The following PCNX2 variants were observed in gnomAD, a reference collection of about 807,000 sequenced individuals.
PCNX2 encodes pecanex 2, also known as pecanex-like protein 2.
Under a neutral mutation model 223.8 loss-of-function variants are expected in PCNX2, and 168 were observed. The ratio of observed to expected loss-of-function variants is 0.75; its 90% CI spans 0.66 to 0.85. The LOEUF (loss-of-function observed/expected upper bound fraction) is 0.85. Ranked by LOEUF, PCNX2 falls within the 40% of genes least tolerant of loss-of-function variation. PCNX2 has a pLI of 0.00. For synonymous variants in PCNX2, 1,006 were observed against 1,052.6 expected (o/e 0.96, Z 0.86); for missense variants, 2,507 against 2,675.5 (o/e 0.94, Z 1.39).
intron 30 of PCNX2, among the ~76,000 whole-genome samples, chr1:232,999,902 T>C (rs1670020437): frequency 1.3e-5 from 2 of 152,294 alleles, no homozygotes; most frequent in South Asian, 4.1e-4. Context: ...ACTTAGTGAT[T>C]TGAAGCTATA....
At chr1:233,295,932 TTCTTC>T (rs1406337646), upstream of PCNX2, among the ~76,000 whole-genome samples, 50 of 144,558 alleles carry the variant, frequency 3.5e-4, no homozygotes, top group Non-Finnish European at 6.1e-4. This position sits in a 1 kb window ranked among gnomAD's most constrained non-coding sequence, Gnocchi z 4.1. Flanking sequence ...CTCTCTCTCT[TTCTTC>T]CTTCCTTCCT....
intron 24 of PCNX2, among the ~76,000 whole-genome samples, 163 bp downstream of exon 24, chr1:233,057,069 T>C (rs947177400): frequency 1.3e-5 from 2 of 152,062 alleles, no homozygotes; most frequent in African/African-American, 4.8e-5. Flanking sequence ...CCAAATCAGG[T>C]TGCTTGATCA....
chr1:233,322,379 G>A, the PCNX2 span, among the ~76,000 whole-genome samples: 3 of 152,128 alleles, frequency 2.0e-5, no homozygotes, highest in African/African-American at 7.2e-5. Flanking sequence ...GCCAGATTTG[G>A]GGGGTTAAAA....
At position 233,179,120 on chromosome 1, in the gene PCNX2, A is replaced by C. The variant is rs376346875; in HGVS notation, c.3122T>G (p.Leu1041Trp). Residue 1041 changes from leucine to tryptophan, a missense_variant, in exon 16 of 34, where the codon TTG becomes TGG. This residue lies in a region of PCNX2 where 1,372 missense variants were observed against 1,509.4 expected (regional missense o/e 0.91). Coordinates refer to ENST00000258229, the MANE Select transcript of PCNX2 (RefSeq NM_014801.4). ...PALFSAFCGL[L>W]VALSYHLSRQ... The stretch of plus-strand genomic sequence containing the variant: ...GCTCAGATGGTAAGAAAGGGCGACC[A>C]AGAGGCCACAGAAGGCCGAAAACAG... 1.2e-6 allele frequency: 2 copies of C among 1,613,858 alleles called. No homozygotes were observed. Among genetic ancestry groups the C allele is most frequent in the African/African-American group, 2.7e-5 (2 of 74,950 alleles).
chr1:233,074,999 G>A (rs1348244590), intron 23 of PCNX2, among the ~76,000 whole-genome samples: 1 of 152,060 alleles, frequency 6.6e-6, no homozygotes, highest in East Asian at 1.9e-4. Context: ...TAGCCCCTCT[G>A]AAAGAGTTTT....
intron 23 of PCNX2, among the ~76,000 whole-genome samples, chr1:233,071,392 T>C (rs1349890248): frequency 6.6e-6 from 1 of 152,212 alleles, no homozygotes; most frequent in African/African-American, 2.4e-5. Context: ...CTCCCACTTA[T>C]AAGTGAGAAT....
intron 21 of PCNX2, among the ~76,000 whole-genome samples, chr1:233,124,168 T>C (rs1160347262): frequency 6.6e-6 from 1 of 152,214 alleles, no homozygotes; most frequent in Admixed American, 6.5e-5. Flanking sequence ...GCGGCTGGTA[T>C]GTAATCCAGA....
intron 25 of PCNX2, among the ~76,000 whole-genome samples, chr1:233,047,862 C>T (rs934252779): frequency 6.6e-6 from 1 of 152,024 alleles, no homozygotes; most frequent in African/African-American, 2.4e-5. Context: ...CCAACTGGAC[C>T]TAATAGAAAT....
the PCNX2 span, among the ~76,000 whole-genome samples, chr1:233,326,674 C>T: frequency 1.3e-5 from 2 of 152,226 alleles, no homozygotes; most frequent in Non-Finnish European, 2.9e-5. Context: ...GTCCTATCCT[C>T]ATAATATCTA....
In PCNX2 at chr1:232,986,389, C is replaced by T. The variant is rs368874772; in HGVS notation, c.5943G>A (p.Ser1981=). 1.2e-4 allele frequency: 191 copies of T among 1,602,928 alleles called. No individual in the cohort carries two copies. Among genetic ancestry groups the T allele is most frequent in the Non-Finnish European group, 1.6e-4 (184 of 1,174,476 alleles). Residue 1981 remains serine, a synonymous_variant, in exon 33 of 34, where the codon TCG becomes TCA. Transcript: ENST00000258229. ...TSVHELAQRL[S]GSRLSLHASA... ...AGGCGTGCAAGGAGAGCCGGCTGCC[C>T]GAGAGCCTCTGGGCCAGCTCGTGCA...
intron 26 of PCNX2, chr1:233,018,708 G>T (rs1670772232): frequency 1.1e-6 from 1 of 951,652 alleles, no homozygotes; most frequent in African/African-American, 1.8e-5. Flanking sequence ...GAAAAATGCA[G>T]GTGGTGCTCC....
chr1:233,270,231 C>T (rs1428035496), intron 1 of PCNX2, among the ~76,000 whole-genome samples: 4 of 152,014 alleles, frequency 2.6e-5, no homozygotes, highest in African/African-American at 9.7e-5. Flanking sequence ...CATTTCTTTG[C>T]GTTTATATAT....
chr1:233,237,284 C>T (rs925618405), intron 8 of PCNX2, among the ~76,000 whole-genome samples: 2 of 152,028 alleles, frequency 1.3e-5, no homozygotes, highest in African/African-American at 4.8e-5. Context: ...TATTTAATGC[C>T]TGGGGAGGCC....
chr1:233,135,303 C>T (rs1456720250), intron 20 of PCNX2, 113 bp from the exon 21 acceptor site: 5 of 1,156,470 alleles, frequency 4.3e-6, no homozygotes, highest in African/African-American at 1.6e-5. Context: ...TTTACAGGCA[C>T]AAAAAGCCAA....
chr1:233,129,433 C>T (rs949632300), intron 21 of PCNX2, among the ~76,000 whole-genome samples: 2 of 152,212 alleles, frequency 1.3e-5, no homozygotes, highest in African/African-American at 2.4e-5. Context: ...CAAGCCTCCC[C>T]GAAGAGCGCT....
chr1:233,252,667 G>A lies in PCNX2; in HGVS notation c.1956C>T (p.Cys652=). The change falls in exon 6 of 34, where the codon TGC becomes TGT. Residue 652 remains cysteine, a synonymous_variant. Transcript: ENST00000258229. The part of the protein sequence containing the change: ...SQDHTSTGPA[C]TQPAKTTAFF... The stretch of plus-strand genomic sequence containing the variant: ...AGGCTGTGGTCTTGGCAGGCTGAGT[G>A]CATGCGGGGCCGGTGCTAGTATGGT... 6.2e-7 allele frequency: 1 copy of A among 1,613,564 alleles called. No individual in the cohort carries two copies. The highest frequency in any genetic ancestry group is 8.5e-7 in the Non-Finnish European group (1 of 1,179,776).
At chr1:233,209,914 C>A (rs1681725534) in intron 12 of PCNX2, among the ~76,000 whole-genome samples, 1 of 152,120 alleles carries the variant, frequency 6.6e-6, no homozygotes, top group Admixed American at 6.5e-5. Flanking sequence ...AATAACGATG[C>A]AGTATACAAA....
At chr1:233,160,469 C>A (rs751640326) in intron 18 of PCNX2, 36 bp from the exon 19 acceptor site, 1 of 1,598,456 alleles carries the variant, frequency 6.3e-7, no homozygotes, top group South Asian at 1.1e-5. Flanking sequence ...ATTACTTAGC[C>A]TAGAGGATGG....
chr1:233,205,474 A>T (rs538701336), intron 13 of PCNX2, among the ~76,000 whole-genome samples: 32 of 152,314 alleles, frequency 2.1e-4, no homozygotes, highest in African/African-American at 7.7e-4. Flanking sequence ...CGGGTGGATC[A>T]CCTGAGGTCA....
Sources: allele counts gnomAD v4.1 joint callset (sites outside exome capture counted in the v4.1 genomes callset), GRCh38; gene constraint gnomAD v4.1.1; regional missense constraint gnomAD v4.1.1; non-coding constraint Gnocchi (gnomAD v3.1); transcripts MANE v1.5; gene names NCBI Gene and HGNC (gene_info 2026-07-23, HGNC 2026-07-21).